ZNF385A: variants seen among roughly 807,000 people sequenced by gnomAD.
The protein encoded by ZNF385A is hematopoietic zinc finger protein.
In ZNF385A, 14 loss-of-function variants were observed where a neutral mutation model predicts 32.1. The ratio of observed to expected loss-of-function variants is 0.44; its 90% confidence interval spans 0.29 to 0.68. The LOEUF is 0.68. Among genes scored for constraint, ZNF385A ranks in the 30% least tolerant of loss-of-function variants. The probability of loss-of-function intolerance (pLI) is 0.14; values close to 1 mark genes in which losing one functional copy is unlikely to be tolerated. For missense variants in ZNF385A, 406 were observed against 478.4 expected (o/e 0.85, Z 1.41); for synonymous variants, 197 against 202.7 (o/e 0.97, Z 0.24).
chr12:54,370,398 G>C lies in ZNF385A; in HGVS notation c.959C>G (p.Ala320Gly), dbSNP rs1487128201. 2.6e-6 allele frequency: 4 copies of C among 1,533,632 alleles called. No individual in the cohort carries two copies. The highest frequency in any genetic ancestry group is 3.5e-6 in the Non-Finnish European group (4 of 1,138,022). The change falls in exon 7 of 7, where the codon GCG becomes GGG. Residue 320 changes from alanine (A) to glycine (G), a missense_variant. By Grantham distance (60) the Ala-to-Gly change is moderately conservative. Coordinates refer to ENST00000394313, the MANE Select transcript of ZNF385A (RefSeq NM_015481.3). This position sits in a 1 kb window ranked among gnomAD's most constrained non-coding sequence, Gnocchi z 5.5. The stretch of plus-strand genomic sequence containing the variant: ...CAGGGACAGCGGCGAGCCTGCTGCC[G>C]CTGCCATCACTGCAGCCACCGCCAG... ...SPLAVAAVMA[A>G]AAGSPLSLRP...
At chr12:54,372,186 A>C (rs1172447503) in intron 3 of ZNF385A, among the ~76,000 whole-genome samples, 1 of 152,244 alleles carries the variant, frequency 6.6e-6, no homozygotes, top group Non-Finnish European at 1.5e-5. Context: ...GGCAAAAGGG[A>C]AATAGAAACA....
Position 54,374,098 on chromosome 12 carries a change from G to C in ZNF385A, c.236C>G (p.Ala79Gly), listed in dbSNP as rs1250710988. 1 of 1,588,972 alleles carries C rather than the reference G, an allele frequency of 6.3e-7. No homozygotes were observed. The highest frequency in any genetic ancestry group is 8.6e-7 in the Non-Finnish European group (1 of 1,164,798). ...AGCCTCAATGCCTTTGACTCGTCGG[G>C]CGTGGCGATTACCTTTGTAGTGCGC... ...AEAHYKGNRH[A>G]RRVKGIEAAK... Residue 79 changes from alanine (A) to glycine (G), a missense_variant, in exon 3 of 7, where the codon GCC becomes GGC. By Grantham distance (60) the Ala-to-Gly change is moderately conservative (BLOSUM62 0). Coordinates refer to ENST00000394313, the MANE Select transcript of ZNF385A (RefSeq NM_015481.3).
chr12:54,388,155 T>TA (rs1302845638), upstream of ZNF385A, among the ~76,000 whole-genome samples: 3 of 151,888 alleles, frequency 2.0e-5, no homozygotes, highest in African/African-American at 7.3e-5. Flanking sequence ...GGAAGCTCAT[T>TA]AGAGTAATTA....
intron 3 of ZNF385A, chr12:54,373,113 C>G: frequency 6.8e-6 from 1 of 146,688 alleles, no homozygotes; most frequent in Non-Finnish European, 1.4e-5. Flanking sequence ...ACTGTGCATC[C>G]CTGAGGGGGT....
chr12:54,378,296 C>T (rs1018700114), intron 1 of ZNF385A, among the ~76,000 whole-genome samples: 1 of 152,138 alleles, frequency 6.6e-6, no homozygotes, highest in South Asian at 2.1e-4. Context: ...ATGAGGGCTC[C>T]CTGGGGAGGG....
At chr12:54,374,837 G>C (rs1275684054) in intron 2 of ZNF385A, among the ~76,000 whole-genome samples, 1 of 152,196 alleles carries the variant, frequency 6.6e-6, no homozygotes, top group East Asian at 1.9e-4. Flanking sequence ...AGCCAGGGTT[G>C]ATAGACAGGA....
intron 1 of ZNF385A, among the ~76,000 whole-genome samples, chr12:54,378,381 C>T (rs866712633): frequency 6.6e-6 from 1 of 152,072 alleles, no homozygotes. Context: ...GACACGGCCT[C>T]GAAAGGTCCA....
At chr12:54,374,499 C>T (rs1954736709) in intron 2 of ZNF385A, among the ~76,000 whole-genome samples, 1 of 152,148 alleles carries the variant, frequency 6.6e-6, no homozygotes, top group Non-Finnish European at 1.5e-5. Context: ...TCAGCATCCT[C>T]TTAGACCCCA....
At chr12:54,379,041 A>T in intron 1 of ZNF385A, 5 of 981,346 alleles carry the variant, frequency 5.1e-6, no homozygotes, top group Non-Finnish European at 6.0e-6. Context: ...GGAGTCAGGG[A>T]GAGAGGAGGG....
At chr12:54,374,645 T>C (rs1954745684) in intron 2 of ZNF385A, among the ~76,000 whole-genome samples, 1 of 152,082 alleles carries the variant, frequency 6.6e-6, no homozygotes, top group Non-Finnish European at 1.5e-5. Flanking sequence ...CCCTGAAGCC[T>C]CTGTGGACAC....
chr12:54,370,272 AGGATGGGTCCGTGCGCAGTTC>A lies in ZNF385A; in HGVS notation c.1064_1084del (p.Arg355_Ile361del). ...GGGTTGAGGTCAGTACGGGGAGAAGAGGATGGGTCCGTGCGCAGTTCGGATGGGTCCGGGGGCCGGGTGAAG... is the reference window on the plus strand; with the variant it reads ...GGGTTGAGGTCAGTACGGGGAGAAGAGGATGGGTCCGGGGGCCGGGTGAAG... On this transcript the variant is annotated inframe_deletion, in exon 7 of 7. Transcript: ENST00000394313. This position sits in a 1 kb window ranked among gnomAD's most constrained non-coding sequence, Gnocchi z 5.5. 1 of 1,463,710 alleles carries A rather than the reference AGGATGGGTCCGTGCGCAGTTC, an allele frequency of 6.8e-7. No homozygotes were observed. Among genetic ancestry groups the A allele is most frequent in the Non-Finnish European group, 9.0e-7 (1 of 1,105,626 alleles). 90.7% of individuals were successfully genotyped at this position (1,463,710 alleles called of 1,614,324 possible). A position where few individuals can be genotyped will look rare whatever the true frequency, so the allele number is the denominator to read the frequency against.
intron 1 of ZNF385A, chr12:54,391,215 G>C (rs1244145629): frequency 3.5e-5 from 52 of 1,472,866 alleles, no homozygotes; most frequent in Non-Finnish European, 4.4e-5. Context: ...CGGGAGCCTG[G>C]AGTCGCAGAG....
intron 1 of ZNF385A, among the ~76,000 whole-genome samples, chr12:54,376,804 A>G (rs926435617): frequency 6.6e-6 from 1 of 152,208 alleles, no homozygotes; most frequent in South Asian, 2.1e-4. Flanking sequence ...GCTTTCTGCT[A>G]TCAGGGGATG....
chr12:54,378,086 A>G (rs1203080225), intron 1 of ZNF385A, among the ~76,000 whole-genome samples: 1 of 152,208 alleles, frequency 6.6e-6, no homozygotes, highest in Non-Finnish European at 1.5e-5. Context: ...GTTTAAGTCC[A>G]TAAACACCAA....
upstream of ZNF385A, among the ~76,000 whole-genome samples, chr12:54,388,211 A>G (rs974683073): frequency 6.6e-6 from 1 of 152,124 alleles, no homozygotes; most frequent in Non-Finnish European, 1.5e-5. Flanking sequence ...GAATTGCTAA[A>G]TGCTTTATTA....
chr12:54,387,834 G>A (rs943360479), upstream of ZNF385A, among the ~76,000 whole-genome samples: 2 of 152,180 alleles, frequency 1.3e-5, no homozygotes, highest in African/African-American at 2.4e-5. Flanking sequence ...AGTGAGTGAC[G>A]TGAACCTGTC....
rs1486208307 is a variant in ZNF385A at position 54,375,946 on chromosome 12, A to C, written c.96T>G (p.Pro32=). ...GLFSNYSTMD[P]VQKAVLSHTF... is the part of the protein sequence containing the mutation. ...TGTGGGAGAGCACAGCCTTCTGCAC[A>C]GGGTCCATCTGTGGAGGCAGGCTGG... The change falls in exon 2 of 7, where the codon CCT becomes CCG. Residue 32 remains proline, a synonymous_variant. Coordinates refer to ENST00000394313, the MANE Select transcript of ZNF385A (RefSeq NM_015481.3). 6.2e-7 allele frequency: 1 copy of C among 1,614,078 alleles called. No individual in the cohort carries two copies. Among genetic ancestry groups the C allele is most frequent in the African/African-American group, 1.3e-5 (1 of 75,034 alleles).
intron 1 of ZNF385A, among the ~76,000 whole-genome samples, chr12:54,377,708 G>A (rs1954917974): frequency 6.6e-6 from 1 of 152,138 alleles, no homozygotes; most frequent in African/African-American, 2.4e-5. Context: ...CCAGTCTCCA[G>A]GCCTTAATCC....
intron 1 of ZNF385A, among the ~76,000 whole-genome samples, chr12:54,380,395 C>G (rs1565624314): frequency 1.3e-5 from 2 of 152,214 alleles, no homozygotes; most frequent in Non-Finnish European, 2.9e-5. Context: ...TGCCCAAGGT[C>G]ATAAGCTAGT....
Sources: gnomAD v4.1 joint callset for allele counts (sites outside exome capture counted in the v4.1 genomes callset) on GRCh38, gnomAD v4.1.1 for gene constraint, Gnocchi (gnomAD v3.1) non-coding constraint, MANE v1.5 for transcripts, NCBI Gene and HGNC (gene_info 2026-07-23, HGNC 2026-07-21) for gene names.